The following SMURF1 variants were observed in gnomAD, a reference collection of about 807,000 sequenced individuals.
SMURF1 encodes the protein SMAD specific E3 ubiquitin protein ligase 1.
A neutral mutation model predicts 98.0 loss-of-function variants in SMURF1; 44 were observed. The observed-to-expected ratio is 0.45, with a 90% CI of 0.35 to 0.58. The LOEUF is 0.58. SMURF1 is among the 20% of genes least tolerant of loss of function. SMURF1 has a pLI of 0.00. For synonymous variants in SMURF1, 396 were observed against 374.9 expected, an observed-to-expected ratio of 1.06 and a Z score of -0.65; for missense variants, 687 against 938.4, an observed-to-expected ratio of 0.73 and a Z score of 3.50.
intron 2 of SMURF1, 101 bp from the exon 3 acceptor site, chr7:99,060,808 CA>C: frequency 1.3e-6 from 1 of 745,492 alleles, no homozygotes; most frequent in Non-Finnish European, 2.1e-6. Flanking sequence ...TAATTTCAAT[CA>C]GCAAAATAAG....
chr7:99,102,378 A>G (rs547242535), intron 1 of SMURF1, among the ~76,000 whole-genome samples: 1 of 152,366 alleles, frequency 6.6e-6, no homozygotes, highest in African/African-American at 2.4e-5. Flanking sequence ...CCAAATTTAC[A>G]AAATGAATAA....
At chr7:99,082,167 T>C (rs1354051087) in intron 1 of SMURF1, among the ~76,000 whole-genome samples, 1 of 152,266 alleles carries the variant, frequency 6.6e-6, no homozygotes, top group Admixed American at 6.5e-5. Context: ...AAGGGTTCTT[T>C]ATATATTTTA....
intron 1 of SMURF1, among the ~76,000 whole-genome samples, chr7:99,066,784 GA>G (rs111395590): frequency 0.17 from 15,943 of 92,540 alleles, 846 homozygotes; most frequent in East Asian, 0.28. Context: ...GTCTCAAAAA[GA>G]AAAAAAAAAA....
chr7:99,103,326 C>G (rs568341415), intron 1 of SMURF1, among the ~76,000 whole-genome samples: 5 of 152,254 alleles, frequency 3.3e-5, no homozygotes, highest in Admixed American at 3.3e-4. Flanking sequence ...AAATCAAACA[C>G]ATTTTCATTC....
At chr7:99,072,419 G>C (rs962018917) in intron 1 of SMURF1, among the ~76,000 whole-genome samples, 2 of 152,002 alleles carry the variant, frequency 1.3e-5, no homozygotes, top group Non-Finnish European at 2.9e-5. Context: ...CAAGGCAGGT[G>C]GATCACCTGA....
At chr7:99,124,335 C>T (rs1797701946) in intron 1 of SMURF1, among the ~76,000 whole-genome samples, 1 of 152,168 alleles carries the variant, frequency 6.6e-6, no homozygotes, top group Non-Finnish European at 1.5e-5. Flanking sequence ...CAGCCTCGCC[C>T]AGTTTCCATT....
At chr7:99,142,930 G>C (rs1159526063) in intron 1 of SMURF1, among the ~76,000 whole-genome samples, 1 of 147,726 alleles carries the variant, frequency 6.8e-6, no homozygotes, top group Non-Finnish European at 1.5e-5. Context: ...AGGAGAAGGA[G>C]GGAGGGGGTA....
In SMURF1 at chr7:99,144,015, AGCCGCCGCCGCCTCCGCCGCC is replaced by A; in HGVS notation, c.-256_-236del. 2 of 303,238 alleles carry A rather than the reference AGCCGCCGCCGCCTCCGCCGCC, an allele frequency of 6.6e-6. No individual in the cohort carries two copies. The highest frequency in any genetic ancestry group is 1.2e-5 in the Non-Finnish European group (2 of 169,846). The allele number at this position is 303,238 out of a possible 1,614,324, so 18.8% of individuals were successfully genotyped here. ...CTGCTTCCAGCCGAGCCCAGTCCCG[AGCCGCCGCCGCCTCCGCCGCC>A]GCCTCCGCCGCCTCCACCACCTCAG... is the stretch of plus-strand genomic sequence containing the variant. On this transcript the variant is annotated 5_prime_UTR_variant, in exon 1 of 18. Transcript: ENST00000361368.
intron 11 of SMURF1, among the ~76,000 whole-genome samples, chr7:99,044,756 A>G (rs1018497334): frequency 1.3e-5 from 2 of 152,252 alleles, no homozygotes; most frequent in Admixed American, 1.3e-4. Flanking sequence ...AACTAGAGTC[A>G]GTCTATCTTA....
chr7:99,065,093 T>TCTCA, intron 1 of SMURF1, among the ~76,000 whole-genome samples: 1 of 151,930 alleles, frequency 6.6e-6, no homozygotes, highest in Admixed American at 6.6e-5. Context: ...TTAAGTGAGT[T>TCTCA]GGGTTTTTTT....
intron 5 of SMURF1, 63 bp downstream of exon 5, chr7:99,057,142 C>A (rs1350972183): frequency 6.3e-7 from 1 of 1,576,000 alleles, no homozygotes; most frequent in East Asian, 2.2e-5. Flanking sequence ...GAGTTCTCGG[C>A]GATGAAGGGT....
chr7:99,130,173 C>A (rs1192594511), intron 1 of SMURF1, among the ~76,000 whole-genome samples: 1 of 152,160 alleles, frequency 6.6e-6, no homozygotes, highest in Non-Finnish European at 1.5e-5. Context: ...CCCAAATAGG[C>A]TGGGCATAGT....
chr7:99,118,937 T>C (rs763729341), intron 1 of SMURF1, among the ~76,000 whole-genome samples: 3 of 149,626 alleles, frequency 2.0e-5, no homozygotes, highest in Non-Finnish European at 3.0e-5. Context: ...GACAGCTCAC[T>C]GCAGCCTCAA....
intron 6 of SMURF1, among the ~76,000 whole-genome samples, chr7:99,053,287 A>G (rs1004681718): frequency 2.6e-5 from 4 of 152,154 alleles, no homozygotes; most frequent in Non-Finnish European, 4.4e-5. Context: ...ATAAAAAATG[A>G]GAGACCAGTA....
At chr7:99,138,547 C>T (rs1474430243) in intron 1 of SMURF1, among the ~76,000 whole-genome samples, 1 of 151,726 alleles carries the variant, frequency 6.6e-6, no homozygotes, top group East Asian at 1.9e-4. Flanking sequence ...AAAGAAAAAC[C>T]CAACATTCAG....
intron 1 of SMURF1, among the ~76,000 whole-genome samples, chr7:99,076,653 AAAAT>A (rs1482503477): frequency 6.6e-6 from 1 of 152,244 alleles, no homozygotes; most frequent in Non-Finnish European, 1.5e-5. Context: ...CAGTAGGTAA[AAAAT>A]AAGACAGTGA....
intron 1 of SMURF1, among the ~76,000 whole-genome samples, chr7:99,077,775 A>G (rs2150564336): frequency 6.6e-6 from 1 of 152,350 alleles, no homozygotes; most frequent in East Asian, 1.9e-4. Context: ...AGGTTGATGT[A>G]TAATATAAAT....
chr7:99,037,283 G>A (rs988738915), intron 14 of SMURF1, 96 bp from the exon 15 acceptor site: 23 of 1,506,326 alleles, frequency 1.5e-5, no homozygotes, highest in Non-Finnish European at 2.8e-6. Flanking sequence ...TGTCACCCAG[G>A]CTGGAGTGCA....
At chr7:99,095,516 A>G (rs1796938866) in intron 1 of SMURF1, among the ~76,000 whole-genome samples, 1 of 152,198 alleles carries the variant, frequency 6.6e-6, no homozygotes, top group African/African-American at 2.4e-5. Context: ...TGATTTTGAG[A>G]GACCAGCTAT....
Sources: gnomAD v4.1 joint callset for allele counts (sites outside exome capture counted in the v4.1 genomes callset) on GRCh38, gnomAD v4.1.1 for gene constraint, MANE v1.5 for transcripts, NCBI Gene and HGNC (gene_info 2026-07-23, HGNC 2026-07-21) for gene names.